DAGLA: variants seen among roughly 807,000 people sequenced by gnomAD.
DAGLA encodes the protein diacylglycerol lipase alpha.
In DAGLA, 22 loss-of-function variants were observed where a neutral mutation model predicts 102.6. The ratio of observed to expected loss-of-function variants is 0.21; its 90% CI spans 0.15 to 0.31. The LOEUF is 0.31. DAGLA is among the 10% of genes least tolerant of loss of function. The pLI is 1.00. For synonymous variants in DAGLA, 578 were observed against 628.9 expected (o/e 0.92, Z 1.21); for missense variants, 927 against 1,446.6 (o/e 0.64, Z 5.83).
chr11:61,707,419 C>G (rs994214857), intron 1 of DAGLA, among the ~76,000 whole-genome samples: 1 of 152,264 alleles, frequency 6.6e-6, no homozygotes, highest in African/African-American at 2.4e-5. Flanking sequence ...GATGGGGTTC[C>G]CCTCATCGTG....
In DAGLA at chr11:61,744,221, G is replaced by A; in HGVS notation, c.2861G>A (p.Ser954Asn). 1 of 1,613,048 alleles carries A rather than the reference G, an allele frequency of 6.2e-7. No homozygotes were observed. Among genetic ancestry groups the A allele is most frequent in the South Asian group, 1.1e-5 (1 of 91,086 alleles). Reference sequence around the variant, plus strand: ...TACGCTGAGGGCCCCAAGTCCCCCAGCCAGCAAGAGATCCTGCTCCGTGCC... The same window carrying A: ...TACGCTGAGGGCCCCAAGTCCCCCAACCAGCAAGAGATCCTGCTCCGTGCC... ...SDYAEGPKSP[S>N]QQEILLRAQF... Residue 954 changes from serine to asparagine, a missense_variant, in exon 20 of 20, where the codon AGC (serine) becomes AAC (asparagine). By Grantham distance (46) the Ser-to-Asn change is conservative (BLOSUM62 1). This residue lies in a region of DAGLA where 434 missense variants were observed against 503.3 expected (regional missense o/e 0.86). Transcript: ENST00000257215.
Position 61,720,906 on chromosome 11 carries a change from C to T in DAGLA, c.307+16C>T, listed in dbSNP as rs750140845. Reference sequence around the variant, plus strand: ...GTGCGCCTGGGTAAGGGCCACCCACCCTGGGGTGCTGCCCCAGACAACTCC... The same window carrying T: ...GTGCGCCTGGGTAAGGGCCACCCACTCTGGGGTGCTGCCCCAGACAACTCC... On this transcript the variant is annotated intron_variant, in intron 3 of 19. Transcript: ENST00000257215. 2 of 1,605,262 alleles carry T rather than the reference C, an allele frequency of 1.2e-6. No individual in the cohort carries two copies. Among genetic ancestry groups the T allele is most frequent in the Non-Finnish European group, 8.5e-7 (1 of 1,174,780 alleles).
intron 1 of DAGLA, among the ~76,000 whole-genome samples, chr11:61,698,571 A>G (rs2065084908): frequency 6.6e-6 from 1 of 152,038 alleles, no homozygotes; most frequent in African/African-American, 2.4e-5. Context: ...GAAACCTCGT[A>G]CCCCACCTGC....
At chr11:61,736,470 C>T in intron 13 of DAGLA, 120 bp downstream of exon 13, 2 of 815,996 alleles carry the variant, frequency 2.5e-6, no homozygotes, top group Non-Finnish European at 2.0e-6. Flanking sequence ...AAGCCAGGCT[C>T]CTGCAATCCC....
chr11:61,730,310 C>T (rs1290492657), intron 8 of DAGLA, among the ~76,000 whole-genome samples: 1 of 152,020 alleles, frequency 6.6e-6, no homozygotes, highest in Non-Finnish European at 1.5e-5. Context: ...TGACTCCCAT[C>T]GAGGTGCCAG....
chr11:61,717,367 C>T (rs1299578899), intron 1 of DAGLA, among the ~76,000 whole-genome samples: 1 of 152,018 alleles, frequency 6.6e-6, no homozygotes. Flanking sequence ...GGCCCTGCCA[C>T]CCCCACCCCA....
At chr11:61,694,059 G>T (rs1472822900) in intron 1 of DAGLA, among the ~76,000 whole-genome samples, 1 of 152,268 alleles carries the variant, frequency 6.6e-6, no homozygotes, top group East Asian at 1.9e-4. Context: ...AGTAATGGCT[G>T]CATGAATGAG....
chr11:61,743,636 T>G lies in DAGLA; in HGVS notation c.2276T>G (p.Leu759Arg). 6.3e-7 allele frequency: 1 copy of G among 1,598,056 alleles called. No individual in the cohort carries two copies. Among genetic ancestry groups the G allele is most frequent in the Non-Finnish European group, 8.5e-7 (1 of 1,175,972 alleles). The change falls in exon 20 of 20, where the codon CTG (leucine) becomes CGG (arginine). Residue 759 changes from leucine to arginine, a missense_variant. By Grantham distance (102) the Leu-to-Arg change is moderately radical (BLOSUM62 -2). This residue lies in a region of DAGLA where 434 missense variants were observed against 503.3 expected (regional missense o/e 0.86). Coordinates refer to ENST00000257215, the MANE Select transcript of DAGLA (RefSeq NM_006133.3). Reference sequence around the variant, plus strand: ...CGCCAGGACCCGGTGGAGCTGCTGCTGCTGTCTACCCAGGAGCGGCTGGCG... The same window carrying G: ...CGCCAGGACCCGGTGGAGCTGCTGCGGCTGTCTACCCAGGAGCGGCTGGCG... The part of the protein sequence containing the change: ...AARQDPVELL[L>R]LSTQERLAAE...
rs58186171 is a variant in DAGLA at position 61,733,193 on chromosome 11, C to T, written c.975-1656C>T. 4.1e-3 allele frequency among the ~76,000 whole-genome samples: 627 copies of T among 152,294 alleles called. 4 individuals carry two copies. The highest frequency in any genetic ancestry group is 0.015 in the African/African-American group (609 of 41,558). On this transcript the variant is annotated intron_variant, in intron 9 of 19. Transcript: ENST00000257215. ...TGGCTGAGTGACCTCCAGGCCCTTG[C>T]GGTCAGGAAGTGATACAGCAAGGGT... is the stretch of plus-strand genomic sequence containing the variant.
At chr11:61,715,782 C>G (rs1460908729) in intron 1 of DAGLA, among the ~76,000 whole-genome samples, 1 of 152,234 alleles carries the variant, frequency 6.6e-6, no homozygotes, top group Non-Finnish European at 1.5e-5. Flanking sequence ...TCTGCTAATG[C>G]AACAGCAGCC....
At chr11:61,704,355 G>A (rs1368577195) in intron 1 of DAGLA, among the ~76,000 whole-genome samples, 1 of 151,898 alleles carries the variant, frequency 6.6e-6, no homozygotes, top group East Asian at 1.9e-4. Context: ...CCTGACCTCA[G>A]GTGATCTGCC....
chr11:61,742,740 T>TGCTGCCCTCTG, intron 19 of DAGLA, among the ~76,000 whole-genome samples: 1 of 152,024 alleles, frequency 6.6e-6, no homozygotes. Flanking sequence ...GCTCTCTCCC[T>TGCTGCCCTCTG]TCCCTGTCTC....
chr11:61,742,227 CA>C (rs2135612109), intron 19 of DAGLA, among the ~76,000 whole-genome samples: 1 of 152,328 alleles, frequency 6.6e-6, no homozygotes. Context: ...GAGGCGTGCA[CA>C]CATGCTCACA....
chr11:61,696,448 CG>C (rs1225757634), intron 1 of DAGLA, among the ~76,000 whole-genome samples: 2 of 152,196 alleles, frequency 1.3e-5, no homozygotes, highest in Non-Finnish European at 2.9e-5. Flanking sequence ...GCAGTGGGGC[CG>C]GGGCGCTCCC....
At chr11:61,721,001 G>A in intron 3 of DAGLA, 111 bp downstream of exon 3, 2 of 1,042,840 alleles carry the variant, frequency 1.9e-6, no homozygotes, top group African/African-American at 1.6e-5. Context: ...TTAGCACTGG[G>A]GTACAGCAGT....
Position 61,743,528 on chromosome 11 carries a change from G to T in DAGLA, c.2172-4G>T. 1 of 1,511,128 alleles carries T rather than the reference G, an allele frequency of 6.6e-7. No individual in the cohort carries two copies. The highest frequency in any genetic ancestry group is 8.8e-7 in the Non-Finnish European group (1 of 1,136,072). The allele number at this position is 1,511,128 out of a possible 1,614,324, so 93.6% of individuals were successfully genotyped here. On this transcript the variant is annotated splice_region_variant and splice_polypyrimidine_tract_variant and intron_variant, in intron 19 of 19. Coordinates refer to ENST00000257215, the MANE Select transcript of DAGLA (RefSeq NM_006133.3). ...ATACCCCCTGCTCTCCTCTCCCTCT[G>T]CAGGAGCAAGTCCCAGTCTGAGATG... is the stretch of plus-strand genomic sequence containing the variant.
At chr11:61,741,757 G>A (rs34625218) in intron 19 of DAGLA, among the ~76,000 whole-genome samples, 29,616 of 151,858 alleles carry the variant, frequency 0.2, 2,960 homozygotes, top group South Asian at 0.31. Flanking sequence ...GATTACAGGC[G>A]CCTGCCACCG....
intron 1 of DAGLA, among the ~76,000 whole-genome samples, chr11:61,693,812 G>A (rs995430433): frequency 6.6e-6 from 1 of 152,242 alleles, no homozygotes; most frequent in Non-Finnish European, 1.5e-5. Context: ...GGGTATGGCT[G>A]ATGATCCCCA....
At chr11:61,731,043 T>G (rs1391304758) in intron 8 of DAGLA, among the ~76,000 whole-genome samples, 1 of 152,234 alleles carries the variant, frequency 6.6e-6, no homozygotes, top group Non-Finnish European at 1.5e-5. Flanking sequence ...CCAAGTGATT[T>G]TCTGTCCCCA....
Sources: allele counts gnomAD v4.1 joint callset (sites outside exome capture counted in the v4.1 genomes callset), GRCh38; gene constraint gnomAD v4.1.1; regional missense constraint gnomAD v4.1.1; transcripts MANE v1.5; gene names NCBI Gene and HGNC (gene_info 2026-07-23, HGNC 2026-07-21).